The following CERT1 variants were observed in gnomAD, a reference collection of about 807,000 sequenced individuals.
CERT1 encodes the protein ceramide transfer protein.
Under a neutral mutation model 87.9 loss-of-function variants are expected in CERT1, and 31 were observed. The ratio of observed to expected loss-of-function variants is 0.35; its 90% CI spans 0.27 to 0.48. The LOEUF is 0.48. CERT1 is among the 20% of genes least tolerant of loss of function. The pLI, the probability that CERT1 is intolerant of heterozygous loss-of-function variation, is 0.99. For synonymous variants in CERT1, 289 were observed against 250.9 expected, an observed-to-expected ratio of 1.15 and a Z score of -1.44; for missense variants, 487 against 758.0, an observed-to-expected ratio of 0.64 and a Z score of 4.20.
At position 75,511,504 on chromosome 5, in the gene CERT1, C is replaced by A. The variant is rs1248010734; in HGVS notation, c.-297G>T. 2.0e-6 allele frequency: 3 copies of A among 1,479,378 alleles called. No individual in the cohort carries two copies. In the East Asian group the frequency reaches 7.5e-5, roughly 37 times the overall value. The allele number at this position is 1,479,378 out of a possible 1,614,324, so 91.6% of individuals were successfully genotyped here. A position where few individuals can be genotyped will look rare whatever the true frequency, so the allele number is the denominator to read the frequency against. ...CCGGCGCTGCCACCCGAACTTAGCC[C>A]CCTCGATGCCAATTTCAAATAGGGA... is the stretch of plus-strand genomic sequence containing the variant. On this transcript the variant is annotated 5_prime_UTR_variant, in exon 1 of 17. Transcript: ENST00000643780.
intron 3 of CERT1, among the ~76,000 whole-genome samples, chr5:75,447,526 A>G (rs1358408640): frequency 1.3e-5 from 2 of 151,400 alleles, no homozygotes; most frequent in Middle Eastern, 6.4e-3. Flanking sequence ...GGTAGAGTGC[A>G]GTGGCGCGAT....
chr5:75,468,561 A>G (rs1445763489), intron 2 of CERT1, among the ~76,000 whole-genome samples: 1 of 152,094 alleles, frequency 6.6e-6, no homozygotes, highest in Non-Finnish European at 1.5e-5. Context: ...AATGGACTCA[A>G]TCTCTGGCTC....
At chr5:75,402,133 A>G (rs1042339649) in intron 9 of CERT1, 10 of 152,212 alleles carry the variant, frequency 6.6e-5, no homozygotes, top group African/African-American at 2.4e-4. Flanking sequence ...AGCTGGGTGT[A>G]ACTGCTATAC....
intron 2 of CERT1, among the ~76,000 whole-genome samples, chr5:75,485,312 C>CAAAAAAAAAAAAAAAAAAAA (rs757349878): frequency 1.5e-3 from 70 of 46,434 alleles, no homozygotes; most frequent in East Asian, 1.8e-3. Context: ...CACAAAAATA[C>CAAAAAAAAAAAAAAAAAAAA]AAAAAAAAAA....
At chr5:75,474,593 G>GT (rs2112365975) in intron 2 of CERT1, among the ~76,000 whole-genome samples, 1 of 152,170 alleles carries the variant, frequency 6.6e-6, no homozygotes, top group Non-Finnish European at 1.5e-5. Flanking sequence ...AGCCTGCCCA[G>GT]TGGATGATAG....
intron 1 of CERT1, 115 bp downstream of exon 1, chr5:75,510,997 G>A (rs1370945825): frequency 5.2e-6 from 7 of 1,348,632 alleles, no homozygotes; most frequent in Non-Finnish European, 6.8e-6. Context: ...GCAACACTCA[G>A]CCTCGCACCC....
At chr5:75,409,590 G>A (rs942366856) in intron 8 of CERT1, among the ~76,000 whole-genome samples, 1 of 151,762 alleles carries the variant, frequency 6.6e-6, no homozygotes, top group Non-Finnish European at 1.5e-5. Flanking sequence ...GCAGTGGCAC[G>A]ATCTCAGCTC....
chr5:75,467,975 G>A (rs1467439483), intron 2 of CERT1, among the ~76,000 whole-genome samples: 4 of 152,184 alleles, frequency 2.6e-5, no homozygotes, highest in Non-Finnish European at 5.9e-5. Flanking sequence ...TTTTGTAAGT[G>A]AAAAACTTAA....
chr5:75,407,882 GT>G (rs1186711161), intron 8 of CERT1, among the ~76,000 whole-genome samples: 15 of 82,964 alleles, frequency 1.8e-4, no homozygotes, highest in South Asian at 7.5e-4. Flanking sequence ...TGGCACAATT[GT>G]TTTTTTTTTA....
chr5:75,411,845 T>C (rs1762945743), intron 7 of CERT1, among the ~76,000 whole-genome samples: 1 of 152,178 alleles, frequency 6.6e-6, no homozygotes, highest in Non-Finnish European at 1.5e-5. Context: ...AGAAAAGAAC[T>C]CAGTAGGTGG....
intron 8 of CERT1, among the ~76,000 whole-genome samples, chr5:75,404,292 A>T (rs1381279447): frequency 5.8e-5 from 4 of 69,140 alleles, no homozygotes; most frequent in Non-Finnish European, 5.0e-5. Flanking sequence ...CCTACTTCAT[A>T]AAAAAAAAAA....
rs1761574577 is a variant in CERT1 at position 75,381,288 on chromosome 5, C to T, written c.1618-87G>A. The T allele has an allele frequency of 6.9e-6, 10 of 1,442,938 alleles. No individual in the cohort carries two copies. In the South Asian group the frequency reaches 7.2e-5, roughly 10 times the overall value. The allele number at this position is 1,442,938 out of a possible 1,614,324, so 89.4% of individuals were successfully genotyped here. On this transcript the variant is annotated intron_variant, in intron 15 of 16. Transcript: ENST00000643780. ...AATATTATATTAGGTTAACCAAAAT[C>T]GTAACTCTTAAAAGTATCTCCAGTG...
At chr5:75,421,738 G>A (rs1193844613) in intron 5 of CERT1, among the ~76,000 whole-genome samples, 1 of 152,140 alleles carries the variant, frequency 6.6e-6, no homozygotes, top group East Asian at 1.9e-4. Context: ...TACCTTTTGA[G>A]ATCCTTACTT....
At chr5:75,383,170 T>C (rs1259613508) in intron 14 of CERT1, among the ~76,000 whole-genome samples, 1 of 152,052 alleles carries the variant, frequency 6.6e-6, no homozygotes, top group Admixed American at 6.6e-5. Context: ...ATTTCAGATA[T>C]AGTGTGAGTG....
chr5:75,423,402 C>T (rs1387670832), intron 5 of CERT1, among the ~76,000 whole-genome samples: 1 of 151,306 alleles, frequency 6.6e-6, no homozygotes, highest in Admixed American at 6.6e-5. Flanking sequence ...AAAAATCACA[C>T]ATTAACGAAC....
At chr5:75,504,581 T>C (rs1277571786) in intron 2 of CERT1, among the ~76,000 whole-genome samples, 1 of 152,192 alleles carries the variant, frequency 6.6e-6, no homozygotes, top group Non-Finnish European at 1.5e-5. Flanking sequence ...TGAAGTATTA[T>C]ATATATATCT....
intron 2 of CERT1, among the ~76,000 whole-genome samples, chr5:75,496,147 A>C (rs997732373): frequency 1.3e-5 from 2 of 152,122 alleles, no homozygotes; most frequent in Non-Finnish European, 2.9e-5. Context: ...TAAGACAACA[A>C]ACACAAGATA....
At chr5:75,422,680 AGTT>A (rs1763438657) in intron 5 of CERT1, among the ~76,000 whole-genome samples, 1 of 152,204 alleles carries the variant, frequency 6.6e-6, no homozygotes, top group African/African-American at 2.4e-5. Context: ...TAGGGAAATC[AGTT>A]GTTATGGGCT....
chr5:75,430,033 A>G (rs1763803297), intron 3 of CERT1, among the ~76,000 whole-genome samples: 2 of 152,126 alleles, frequency 1.3e-5, no homozygotes, highest in South Asian at 4.1e-4. Flanking sequence ...ATGGAAAAAA[A>G]AAAGAAAGAG....
Sources: gnomAD v4.1 joint callset for allele counts (sites outside exome capture counted in the v4.1 genomes callset) on GRCh38, gnomAD v4.1.1 for gene constraint, MANE v1.5 for transcripts, NCBI Gene and HGNC (gene_info 2026-07-23, HGNC 2026-07-21) for gene names.